ANO4: variants seen among roughly 807,000 people sequenced by gnomAD.
ANO4 encodes anoctamin 4.
ANO4 carries 69 observed loss-of-function variants against 141.9 expected under a neutral mutation model. That is an observed-to-expected ratio of 0.49 (90% CI 0.40 to 0.59). ANO4 has a LOEUF of 0.59. Ranked by LOEUF, ANO4 falls within the 20% of genes least tolerant of loss-of-function variation. The pLI, the probability that ANO4 is intolerant of heterozygous loss-of-function variation, is 0.00. For synonymous variants in ANO4, 350 were observed against 394.3 expected, an observed-to-expected ratio of 0.89 and a Z score of 1.33; for missense variants, 894 against 1,162.2, an observed-to-expected ratio of 0.77 and a Z score of 3.36.
At chr12:100,739,716 C>T (rs17478305) in intron 2 of ANO4, 127,902 of 625,128 alleles carry the variant, frequency 0.2, 14,833 homozygotes, top group Non-Finnish European at 0.25. Context: ...ATGATGCCTG[C>T]CTGTTTATTA....
At chr12:101,075,992 A>T (rs73379464) in intron 14 of ANO4, among the ~76,000 whole-genome samples, 3,617 of 152,194 alleles carry the variant, frequency 0.024, 159 homozygotes, top group African/African-American at 0.083. Flanking sequence ...CCTCAAATGA[A>T]TGGGCATTTC....
intron 9 of ANO4, among the ~76,000 whole-genome samples, chr12:101,026,180 CA>C (rs1180782933): frequency 6.6e-6 from 1 of 152,000 alleles, no homozygotes; most frequent in African/African-American, 2.4e-5. Flanking sequence ...AGCTAGGTTG[CA>C]AAAAATGAGA....
rs60433561 is a variant in ANO4, at chr12:100,894,094, C to T, written c.-140-7552C>T. ...TTGGTTTCTTTTCAATGCGCTTAAA[C>T]GCTCAGTTAACGTGGCTTTAGACAT... On this transcript the variant is annotated intron_variant, in intron 1 of 27. Transcript: ENST00000392977. Among the ~76,000 whole-genome samples, 114 of 152,222 alleles carry T rather than the reference C, an allele frequency of 7.5e-4. 2 individuals carry two copies. The East Asian group carries it at 0.016, about 22-fold the overall frequency.
chr12:101,079,996 G>C (rs1023821430), intron 15 of ANO4, among the ~76,000 whole-genome samples: 2 of 152,134 alleles, frequency 1.3e-5, no homozygotes, highest in African/African-American at 4.8e-5. Flanking sequence ...CTTGACAGTT[G>C]GTCCAGGCCT....
At chr12:100,800,611 C>A (rs1251043637) in intron 1 of ANO4, among the ~76,000 whole-genome samples, 1 of 152,192 alleles carries the variant, frequency 6.6e-6, no homozygotes, top group Non-Finnish European at 1.5e-5. Context: ...ACAGAAGAGA[C>A]AAATTAGCTA....
intron 22 of ANO4, among the ~76,000 whole-genome samples, chr12:101,103,791 A>G (rs1260523513): frequency 6.6e-6 from 1 of 151,970 alleles, no homozygotes; most frequent in African/African-American, 2.4e-5. Flanking sequence ...AGCAGTTTAC[A>G]TAAGATTACT....
chr12:100,799,336 A>G (rs2034539858), intron 1 of ANO4, among the ~76,000 whole-genome samples: 1 of 152,210 alleles, frequency 6.6e-6, no homozygotes, highest in Non-Finnish European at 1.5e-5. Context: ...TGACGTGAGC[A>G]TCAGTGTTAC....
At chr12:101,068,383 T>C in intron 14 of ANO4, 3 of 1,010,418 alleles carry the variant, frequency 3.0e-6, no homozygotes, top group Non-Finnish European at 4.7e-6. Flanking sequence ...AAGAAGAATT[T>C]GCCAAGATGA....
intron 8 of ANO4, among the ~76,000 whole-genome samples, chr12:100,989,163 G>T (rs1045959088): frequency 6.6e-6 from 1 of 152,182 alleles, no homozygotes; most frequent in African/African-American, 2.4e-5. Context: ...GCTGCAGTAT[G>T]TGAACATTTG....
intron 4 of ANO4, among the ~76,000 whole-genome samples, chr12:100,940,196 G>GTTT (rs780940950): frequency 7.4e-6 from 1 of 135,920 alleles, no homozygotes; most frequent in Non-Finnish European, 1.6e-5. Context: ...TTCTTTTTCT[G>GTTT]TTTTTTTTTT....
At chr12:100,944,975 G>A (rs955370440) in intron 5 of ANO4, among the ~76,000 whole-genome samples, 1 of 152,030 alleles carries the variant, frequency 6.6e-6, no homozygotes, top group African/African-American at 2.4e-5. Context: ...TTTTAATGGC[G>A]ATTTCAGCTT....
chr12:100,814,774 G>T (rs1262650095), intron 1 of ANO4, among the ~76,000 whole-genome samples: 1 of 152,108 alleles, frequency 6.6e-6, no homozygotes. Flanking sequence ...ATGTGAGGGT[G>T]GGAGAAGGGT....
intron 3 of ANO4, among the ~76,000 whole-genome samples, chr12:100,937,042 T>C (rs2042314560): frequency 6.6e-6 from 1 of 152,194 alleles, no homozygotes; most frequent in African/African-American, 2.4e-5. Context: ...CTTGAAAATT[T>C]AATCACATTA....
chr12:100,800,219 G>T (rs2034598185), intron 1 of ANO4, among the ~76,000 whole-genome samples: 1 of 152,142 alleles, frequency 6.6e-6, no homozygotes. Context: ...TGTAGAGGGG[G>T]TGATGTTTGT....
At chr12:100,931,220 G>A (rs2042077993) in intron 3 of ANO4, among the ~76,000 whole-genome samples, 1 of 152,032 alleles carries the variant, frequency 6.6e-6, no homozygotes, top group African/African-American at 2.4e-5. Flanking sequence ...CCAGCCTAAG[G>A]TGTTCAAAGC....
chr12:100,813,761 T>C (rs2135712878), intron 1 of ANO4, among the ~76,000 whole-genome samples: 1 of 152,300 alleles, frequency 6.6e-6, no homozygotes, highest in South Asian at 2.1e-4. Context: ...GAATGTGGGA[T>C]ATGACAGTTG....
rs568082367 is a variant in ANO4 at position 100,780,221 on chromosome 12, C to T, written c.358+40116C>T. On this transcript the variant is annotated intron_variant, in intron 3 of 29. Coordinates refer to the ANO4 transcript ENST00000644049. ...TTAGACAGATGAGGTCTCACTAATG[C>T]AGGAAAACCCCCAAATTGAGGCTTA... 9.2e-5 allele frequency among the ~76,000 whole-genome samples: 14 copies of T among 152,166 alleles called. 1 individual carries two copies. The highest frequency in any genetic ancestry group is 3.1e-4 in the African/African-American group (13 of 41,508).
At chr12:100,899,978 C>T (rs960308877) in intron 1 of ANO4, among the ~76,000 whole-genome samples, 15 of 152,238 alleles carry the variant, frequency 9.9e-5, no homozygotes, top group African/African-American at 2.6e-4. Flanking sequence ...TTCAAACCTA[C>T]GCACTCTGAT....
intron 8 of ANO4, among the ~76,000 whole-genome samples, chr12:101,014,752 C>T (rs557171496): frequency 6.6e-5 from 10 of 152,170 alleles, no homozygotes; most frequent in Non-Finnish European, 1.5e-4. Flanking sequence ...GTTTATTCCC[C>T]TCTTCACCGA....
Sources: allele counts gnomAD v4.1 joint callset (sites outside exome capture counted in the v4.1 genomes callset), GRCh38; gene constraint gnomAD v4.1.1; transcripts MANE v1.5; gene names NCBI Gene and HGNC (gene_info 2026-07-23, HGNC 2026-07-21).